The following PDSS1 variants were observed in gnomAD, a reference collection of about 807,000 sequenced individuals.
PDSS1 encodes the protein all trans-polyprenyl-diphosphate synthase PDSS1.
PDSS1 carries 43 observed loss-of-function variants against 57.5 expected under a neutral mutation model. That is an observed-to-expected ratio of 0.75 (90% CI 0.59 to 0.96). The LOEUF (loss-of-function observed/expected upper bound fraction) is 0.96. Among genes scored for constraint, PDSS1 ranks in the 50% least tolerant of loss-of-function variants. The pLI is 0.00. For synonymous variants in PDSS1, 175 were observed against 191.3 expected (o/e 0.91, Z 0.70); for missense variants, 438 against 527.8 (o/e 0.83, Z 1.67).
At chr10:26,725,223 G>A (rs1023766907) in intron 8 of PDSS1, among the ~76,000 whole-genome samples, 12 of 152,132 alleles carry the variant, frequency 7.9e-5, no homozygotes, top group Non-Finnish European at 1.6e-4. Flanking sequence ...TGTAAGGGTC[G>A]CATGTCAATT....
At chr10:26,708,757 C>T (rs948750046) in intron 4 of PDSS1, among the ~76,000 whole-genome samples, 2 of 152,122 alleles carry the variant, frequency 1.3e-5, no homozygotes, top group Non-Finnish European at 2.9e-5. Flanking sequence ...GAGTTTGAGG[C>T]TGCAGTGAGT....
At chr10:26,735,200 C>T (rs755480514) in intron 8 of PDSS1, 40 bp from the exon 9 acceptor site, 2 of 1,459,876 alleles carry the variant, frequency 1.4e-6, no homozygotes, top group African/African-American at 1.4e-5. Flanking sequence ...TTTGTTGCTG[C>T]CTGGAAGCAG....
chr10:26,721,776 C>G (rs1335877831), intron 6 of PDSS1, among the ~76,000 whole-genome samples: 1 of 152,198 alleles, frequency 6.6e-6, no homozygotes, highest in Non-Finnish European at 1.5e-5. Flanking sequence ...ATGGTCTCCG[C>G]CTTGGCTAGC....
chr10:26,726,935 G>T (rs185457824), intron 8 of PDSS1, among the ~76,000 whole-genome samples: 1 of 151,906 alleles, frequency 6.6e-6, no homozygotes, highest in Non-Finnish European at 1.5e-5. Context: ...GGTGGTGCAC[G>T]CCTGTAATGC....
intron 10 of PDSS1, among the ~76,000 whole-genome samples, chr10:26,739,827 C>T (rs1032152448): frequency 6.6e-6 from 1 of 152,114 alleles, no homozygotes; most frequent in Non-Finnish European, 1.5e-5. Flanking sequence ...CAAGGCAAGA[C>T]CCCATCTCTA....
At chr10:26,745,964 A>AT (rs1026274534) in intron 11 of PDSS1, among the ~76,000 whole-genome samples, 8 of 151,892 alleles carry the variant, frequency 5.3e-5, no homozygotes, top group Non-Finnish European at 8.8e-5. Context: ...TTTATTCTTT[A>AT]TTTTTTAAGT....
intron 8 of PDSS1, chr10:26,734,798 C>T: frequency 2.2e-6 from 1 of 456,188 alleles, no homozygotes; most frequent in South Asian, 1.6e-5. Flanking sequence ...AGTATCTCTT[C>T]CTGAAATGAG....
At chr10:26,697,986 C>T in intron 1 of PDSS1, 146 bp downstream of exon 1, 5 of 729,610 alleles carry the variant, frequency 6.9e-6, no homozygotes, top group Non-Finnish European at 7.4e-6. Flanking sequence ...GGGTGGGACT[C>T]CGGAGCTGAG....
intron 5 of PDSS1, among the ~76,000 whole-genome samples, chr10:26,714,290 A>G (rs938007141): frequency 6.6e-6 from 1 of 152,156 alleles, no homozygotes; most frequent in Non-Finnish European, 1.5e-5. Flanking sequence ...CCTGGCCAAC[A>G]TGGTGAAACC....
At chr10:26,706,657 C>T (rs1402620309) in intron 4 of PDSS1, among the ~76,000 whole-genome samples, 1 of 152,194 alleles carries the variant, frequency 6.6e-6, no homozygotes, top group Non-Finnish European at 1.5e-5. Flanking sequence ...TCCCTCCCTT[C>T]CCTCACAGTA....
In PDSS1 at chr10:26,706,226, G is replaced by A. The variant is rs184920832; in HGVS notation, c.336+832G>A. On this transcript the variant is annotated intron_variant, in intron 4 of 11. Transcript: ENST00000376215. ...TGAGGCTGCAGTGAGCCATGATCCC[G>A]CCATTGCACTCCAGCCTGAGTGAGA... 5.5e-3 allele frequency among the ~76,000 whole-genome samples: 836 copies of A among 152,280 alleles called. 34 individuals carry two copies. Among genetic ancestry groups the A allele is most frequent in the Admixed American group, 0.05 (765 of 15,292 alleles).
intron 1 of PDSS1, among the ~76,000 whole-genome samples, chr10:26,699,241 GA>G (rs1389794431): frequency 6.6e-6 from 1 of 152,132 alleles, no homozygotes; most frequent in African/African-American, 2.4e-5. Context: ...GCATGTGGGA[GA>G]AGAGGCTTAG....
chr10:26,713,663 G>A (rs115198685), intron 5 of PDSS1, among the ~76,000 whole-genome samples: 349 of 152,246 alleles, frequency 2.3e-3, no homozygotes, highest in African/African-American at 7.9e-3. Context: ...TCTGAATCTT[G>A]CTAACCATGG....
At position 26,705,662 on chromosome 10, in the gene PDSS1, C is replaced by T. The variant is rs559738199; in HGVS notation, c.336+268C>T. Reference sequence around the variant, plus strand: ...GTAATTTTTGTATTTTTAGTGAAGACGGGGTTTTGCTATGTTGGCCAGGCT... The same window carrying T: ...GTAATTTTTGTATTTTTAGTGAAGATGGGGTTTTGCTATGTTGGCCAGGCT... On this transcript the variant is annotated intron_variant, in intron 4 of 11. Coordinates refer to ENST00000376215, the MANE Select transcript of PDSS1 (RefSeq NM_014317.5). Among the ~76,000 whole-genome samples, 23 of 152,052 alleles carry T rather than the reference C, an allele frequency of 1.5e-4. No individual in the cohort carries two copies. In the East Asian group the frequency reaches 1.5e-3, roughly 10 times the overall value.
chr10:26,722,422 C>T (rs1835818158), intron 6 of PDSS1, among the ~76,000 whole-genome samples: 1 of 152,064 alleles, frequency 6.6e-6, no homozygotes, highest in Admixed American at 6.6e-5. Context: ...GTAACACTTA[C>T]GGCTGGGTGT....
chr10:26,700,832 G>A (rs528455904), intron 1 of PDSS1, among the ~76,000 whole-genome samples: 1 of 152,114 alleles, frequency 6.6e-6, no homozygotes, highest in African/African-American at 2.4e-5. Flanking sequence ...ACAGATAATT[G>A]GTACCAAAGT....
At chr10:26,734,803 A>C in intron 8 of PDSS1, 1 of 456,530 alleles carries the variant, frequency 2.2e-6, no homozygotes. Context: ...CTCTTCCTGA[A>C]ATGAGGGATA....
chr10:26,721,189 C>T (rs1048635408), intron 6 of PDSS1, among the ~76,000 whole-genome samples: 6 of 151,738 alleles, frequency 4.0e-5, no homozygotes, highest in African/African-American at 1.5e-4. Context: ...ATCTCAGCTA[C>T]TCAGGAGGCT....
Position 26,746,589 on chromosome 10 carries a change from A to AAACTT in PDSS1, c.*118_*122dup, listed in dbSNP as rs1554800154. 3.6e-6 allele frequency: 4 copies of AAACTT among 1,123,510 alleles called. No individual in the cohort carries two copies. Among genetic ancestry groups the AAACTT allele is most frequent in the Non-Finnish European group, 3.9e-6 (3 of 764,940 alleles). The allele number at this position is 1,123,510 out of a possible 1,614,324, so 69.6% of individuals were successfully genotyped here. ...ACCAAAAATCATTTTAAAAGATATC[A>AAACTT]AACTTATTGATGGGCAATTTATTTT... On this transcript the variant is annotated 3_prime_UTR_variant, in exon 12 of 12. Coordinates refer to ENST00000376215, the MANE Select transcript of PDSS1 (RefSeq NM_014317.5).
Sources: gnomAD v4.1 joint callset for allele counts (sites outside exome capture counted in the v4.1 genomes callset) on GRCh38, gnomAD v4.1.1 for gene constraint, MANE v1.5 for transcripts, NCBI Gene and HGNC (gene_info 2026-07-23, HGNC 2026-07-21) for gene names.